The following MPRIP variants were observed in gnomAD, a reference collection of about 807,000 sequenced individuals.
The protein encoded by MPRIP is myosin phosphatase Rho interacting protein.
A neutral mutation model predicts 234.9 loss-of-function variants in MPRIP; 59 were observed. The observed-to-expected ratio is 0.25, with a 90% confidence interval of 0.20 to 0.31. MPRIP has a LOEUF of 0.31. MPRIP is among the 10% of genes least tolerant of loss of function. MPRIP has a pLI of 1.00. For synonymous variants in MPRIP, 1,144 were observed against 1,263.9 expected (o/e 0.91, Z 2.01); for missense variants, 2,436 against 3,071.0 (o/e 0.79, Z 4.89).
At chr17:17,068,294 G>A (rs777902329) in intron 1 of MPRIP, among the ~76,000 whole-genome samples, 1 of 152,016 alleles carries the variant, frequency 6.6e-6, no homozygotes, top group Non-Finnish European at 1.5e-5. Context: ...GGGATTACAG[G>A]CATGCTCCAC....
At chr17:17,176,643 C>G (rs2046260929) in intron 21 of MPRIP, 131 bp downstream of exon 21, 2 of 723,932 alleles carry the variant, frequency 2.8e-6, no homozygotes, top group Non-Finnish European at 4.7e-6. Context: ...AAGGAGGTTT[C>G]CAAAATCAAG....
chr17:17,100,313 C>G (rs1325271146), intron 3 of MPRIP, among the ~76,000 whole-genome samples: 2 of 152,210 alleles, frequency 1.3e-5, no homozygotes, highest in Non-Finnish European at 2.9e-5. Flanking sequence ...GTCCAGGGTA[C>G]AGAGGCCAGA....
intron 23 of MPRIP, chr17:17,181,647 T>G (rs554908493): frequency 1.3e-5 from 2 of 152,368 alleles, no homozygotes; most frequent in African/African-American, 4.8e-5. Context: ...TACTACTTAT[T>G]TGAGGCTAAA....
intron 7 of MPRIP, among the ~76,000 whole-genome samples, chr17:17,139,279 A>G (rs933147491): frequency 6.6e-6 from 1 of 152,246 alleles, no homozygotes; most frequent in Non-Finnish European, 1.5e-5. Flanking sequence ...GCACCCCTGC[A>G]TCTGTATACT....
rs1439868530 is a variant in MPRIP, at chr17:17,177,528, C to G, written c.7120+116C>G. Reference sequence around the variant, plus strand: ...AAGAGTCCCAGTGATGCTTGTAGACCCAGGCATCCCAGTGGAGCAGGAGCA... The same window carrying G: ...AAGAGTCCCAGTGATGCTTGTAGACGCAGGCATCCCAGTGGAGCAGGAGCA... On this transcript the variant is annotated intron_variant, in intron 22 of 23. Transcript: ENST00000651222. The G allele has an allele frequency of 6.2e-6, 7 of 1,122,312 alleles. No homozygotes were observed. The East Asian group carries it at 1.0e-4, about 17-fold the overall frequency. 69.5% of individuals were successfully genotyped at this position (1,122,312 alleles called of 1,614,324 possible).
rs2089191133 is a variant in MPRIP, at chr17:17,071,418, C to G, written c.124-4292C>G. Among the ~76,000 whole-genome samples, 4 of 152,180 alleles carry G rather than the reference C, an allele frequency of 2.6e-5. No individual in the cohort carries two copies. In the South Asian group the frequency reaches 8.3e-4, roughly 32 times the overall value. The stretch of plus-strand genomic sequence containing the variant: ...ACAAAAAGAAAGCCTGGGAGAGTCA[C>G]CACGGTGTCCTTCCTTGGATCCTGG... On this transcript the variant is annotated intron_variant, in intron 1 of 23. Coordinates refer to ENST00000651222, the MANE Select transcript of MPRIP (RefSeq NM_001364716.4).
chr17:17,161,885 C>T (rs981486051), intron 15 of MPRIP, among the ~76,000 whole-genome samples: 2 of 152,192 alleles, frequency 1.3e-5, no homozygotes, highest in Non-Finnish European at 2.9e-5. Flanking sequence ...ACTAGCCCAA[C>T]CCCGGGATAC....
In MPRIP at chr17:17,187,948, T is replaced by C. The variant is rs2046508279; in HGVS notation, c.*3054T>C. ...TTCCTATAAATGTATTTATGTGTAG[T>C]ATGCTAGCACCAGCCAGTAAGCTGT... On this transcript the variant is annotated 3_prime_UTR_variant, in exon 24 of 24. Coordinates refer to ENST00000651222, the MANE Select transcript of MPRIP (RefSeq NM_001364716.4). 1 of 152,254 alleles carries C rather than the reference T, an allele frequency of 6.6e-6. No individual in the cohort carries two copies. The allele number at this position is 152,254 out of a possible 1,614,324, so 9.4% of individuals were successfully genotyped here. A position where few individuals can be genotyped will look rare whatever the true frequency, so the allele number is the denominator to read the frequency against.
At chr17:17,123,940 G>A (rs1413911495) in intron 3 of MPRIP, among the ~76,000 whole-genome samples, 1 of 152,258 alleles carries the variant, frequency 6.6e-6, no homozygotes, top group Middle Eastern at 3.4e-3. Flanking sequence ...ATATTGAAGA[G>A]GGCATAAAAG....
At chr17:17,153,388 T>C (rs1245874145) in intron 12 of MPRIP, among the ~76,000 whole-genome samples, 2 of 152,068 alleles carry the variant, frequency 1.3e-5, no homozygotes, top group African/African-American at 4.8e-5. Context: ...CAGCCCTCGC[T>C]TCTGTTGGGC....
intron 12 of MPRIP, among the ~76,000 whole-genome samples, chr17:17,151,434 A>T (rs2045600498): frequency 1.3e-5 from 2 of 152,182 alleles, no homozygotes; most frequent in Admixed American, 1.3e-4. Flanking sequence ...GGCAGTGCGC[A>T]GAGCATTGCC....
At chr17:17,062,938 CCT>C (rs2088911168) in intron 1 of MPRIP, among the ~76,000 whole-genome samples, 1 of 152,204 alleles carries the variant, frequency 6.6e-6, no homozygotes, top group African/African-American at 2.4e-5. Flanking sequence ...TTGTCCACAC[CCT>C]GTCTCTTGTC....
At chr17:17,176,694 C>T (rs1302292236) in intron 21 of MPRIP, among the ~76,000 whole-genome samples, 182 bp downstream of exon 21, 1 of 152,204 alleles carries the variant, frequency 6.6e-6, no homozygotes, top group Non-Finnish European at 1.5e-5. Context: ...GCTGTGGGAA[C>T]GTGGACATGA....
intron 3 of MPRIP, among the ~76,000 whole-genome samples, chr17:17,094,036 A>G (rs2089782150): frequency 6.6e-6 from 1 of 151,856 alleles, no homozygotes; most frequent in South Asian, 2.1e-4. Context: ...GACCTTCCCC[A>G]TCATCCTGGG....
At chr17:17,163,174 G>A (rs2045909250) in intron 15 of MPRIP, among the ~76,000 whole-genome samples, 1 of 152,210 alleles carries the variant, frequency 6.6e-6, no homozygotes, top group South Asian at 2.1e-4. Flanking sequence ...TAACTGCTGG[G>A]AGGAGCTTGC....
At chr17:17,113,952 G>A (rs1012934253) in intron 3 of MPRIP, among the ~76,000 whole-genome samples, 2 of 147,758 alleles carry the variant, frequency 1.4e-5, no homozygotes, top group African/African-American at 5.1e-5. Context: ...GAGTGCAGTG[G>A]TGCCATCACA....
rs1210304433 is a variant in MPRIP, at chr17:17,176,512, G to A, written c.6957G>A (p.Arg2319=). ...AGGATGAGCTGCAGACGGCACTGCGGGTAAGGCCACCGCACCACAGGAGGG... is the reference window on the plus strand; with the variant it reads ...AGGATGAGCTGCAGACGGCACTGCGAGTAAGGCCACCGCACCACAGGAGGG... ...SLKDELQTAL[R]DKKYASDKYK... The change falls in exon 21 of 24, where the codon CGG becomes CGA. Residue 2319 remains arginine (R), a splice_region_variant and synonymous_variant. Transcript: ENST00000651222. The A allele has an allele frequency of 8.1e-6, 13 of 1,613,184 alleles. No individual in the cohort carries two copies. Among genetic ancestry groups the A allele is most frequent in the Admixed American group, 3.3e-5 (2 of 60,030 alleles).
intron 20 of MPRIP, among the ~76,000 whole-genome samples, chr17:17,176,091 G>T (rs544288105): frequency 6.6e-6 from 1 of 152,356 alleles, no homozygotes; most frequent in South Asian, 2.1e-4. Flanking sequence ...GGCAAGAGAG[G>T]CTGAGTGAGT....
chr17:17,043,829 C>T (rs73979055), intron 1 of MPRIP, among the ~76,000 whole-genome samples: 6,065 of 152,256 alleles, frequency 0.04, 340 homozygotes, highest in African/African-American at 0.11. Context: ...GTGTGCACCT[C>T]CTTGGGATGT....
Sources: allele counts gnomAD v4.1 joint callset (sites outside exome capture counted in the v4.1 genomes callset), GRCh38; gene constraint gnomAD v4.1.1; transcripts MANE v1.5; gene names NCBI Gene and HGNC (gene_info 2026-07-23, HGNC 2026-07-21).